Variants in PALMD observed in about 807,000 individuals in gnomAD.
PALMD encodes paralemmin-like protein.
In PALMD, 42 loss-of-function variants were observed where a neutral mutation model predicts 56.2. The ratio of observed to expected loss-of-function variants is 0.75; its 90% confidence interval spans 0.58 to 0.97. PALMD has a LOEUF of 0.97. PALMD is among the 50% of genes least tolerant of loss of function. The probability of loss-of-function intolerance (pLI) is 0.00; values close to 1 mark genes in which losing one functional copy is unlikely to be tolerated. For missense variants in PALMD, 660 were observed against 643.8 expected (o/e 1.03, Z -0.27); for synonymous variants, 242 against 222.9 (o/e 1.09, Z -0.76).
At chr1:99,685,260 C>T (rs1393737456) in intron 3 of PALMD, 9 of 152,126 alleles carry the variant, frequency 5.9e-5, no homozygotes, top group Admixed American at 5.9e-4. Context: ...AACTGGCTTT[C>T]ACAAGAAATG....
intron 3 of PALMD, among the ~76,000 whole-genome samples, chr1:99,678,965 T>C (rs1163797416): frequency 6.8e-6 from 1 of 146,390 alleles, no homozygotes; most frequent in African/African-American, 2.6e-5. Context: ...ACCTTGACTC[T>C]TAAAAAAAAA....
intron 3 of PALMD, 170 bp downstream of exon 3, chr1:99,667,936 T>TGG: frequency 1.7e-6 from 1 of 582,776 alleles, no homozygotes; most frequent in Non-Finnish European, 3.0e-6. Flanking sequence ...TGGAGTGCAG[T>TGG]GACATGATCT....
intron 7 of PALMD, among the ~76,000 whole-genome samples, chr1:99,691,789 T>A (rs1653658325): frequency 6.6e-6 from 1 of 152,158 alleles, no homozygotes; most frequent in African/African-American, 2.4e-5. Context: ...TTATTTATGG[T>A]ATAAATCCCC....
At chr1:99,671,453 A>G (rs1172570197) in intron 3 of PALMD, among the ~76,000 whole-genome samples, 3 of 152,190 alleles carry the variant, frequency 2.0e-5, no homozygotes, top group Non-Finnish European at 4.4e-5. Flanking sequence ...CTGTGAATAC[A>G]GAGTGCCTGA....
rs760927341 is a variant in PALMD, at chr1:99,667,635, A to ACAT, written c.127-4_127-2dup. The ACAT allele has an allele frequency of 2.5e-6, 4 of 1,611,720 alleles. No homozygotes were observed. In the Admixed American group the frequency reaches 6.7e-5, roughly 27 times the overall value. On this transcript the variant is annotated splice_polypyrimidine_tract_variant and splice_region_variant and intron_variant, in intron 2 of 7. Coordinates refer to ENST00000263174, the MANE Select transcript of PALMD (RefSeq NM_017734.5). Reference sequence around the variant, plus strand: ...TAAGAACATATCTTTATGTTTCCTGACATCAGAAAAAGGCCTTGAGGGAGA... The same window carrying ACAT: ...TAAGAACATATCTTTATGTTTCCTGACATCATCAGAAAAAGGCCTTGAGGGAGA...
intron 3 of PALMD, chr1:99,684,582 G>A (rs1653445254): frequency 6.6e-6 from 1 of 152,276 alleles, no homozygotes; most frequent in Non-Finnish European, 1.5e-5. Flanking sequence ...GAGTGCAATG[G>A]TATGATCATG....
chr1:99,683,042 AAGAAAGAAAGAAAGAGAGAGAGAGAG>A (rs1557673773), intron 3 of PALMD, among the ~76,000 whole-genome samples: 4 of 16,254 alleles, frequency 2.5e-4, no homozygotes, highest in African/African-American at 1.8e-3. Context: ...GAAAGAAAGA[AAGAAAGAAAGAAAGAGAGAGAGAGAG>A]AGAGAGAGAG....
chr1:99,693,288 A>G (rs1020870907), intron 7 of PALMD, among the ~76,000 whole-genome samples: 9 of 151,848 alleles, frequency 5.9e-5, no homozygotes, highest in African/African-American at 1.9e-4. Flanking sequence ...TTGGAACATG[A>G]CTAAGGCAGC....
intron 3 of PALMD, among the ~76,000 whole-genome samples, chr1:99,673,836 C>T (rs537773008): frequency 4.6e-5 from 7 of 152,234 alleles, no homozygotes; most frequent in African/African-American, 1.4e-4. Context: ...AGTAGGAATA[C>T]CTGTGAATAC....
chr1:99,668,636 T>C lies in PALMD; in HGVS notation c.251+870T>C, dbSNP rs1376736793. 3 of 152,326 alleles carry C rather than the reference T, an allele frequency of 2.0e-5. No individual in the cohort carries two copies. The East Asian group carries it at 5.8e-4, about 29-fold the overall frequency. The allele number at this position is 152,326 out of a possible 1,614,324, so 9.4% of individuals were successfully genotyped here. On this transcript the variant is annotated intron_variant, in intron 3 of 7. Coordinates refer to ENST00000263174, the MANE Select transcript of PALMD (RefSeq NM_017734.5). ...TACTCTACTCACAGTTTCCCTCTTC[T>C]AGTTCTTTGATGATTTGGTCACAGG...
intron 1 of PALMD, among the ~76,000 whole-genome samples, chr1:99,656,066 T>C (rs1652718605): frequency 6.6e-6 from 1 of 152,204 alleles, no homozygotes; most frequent in South Asian, 2.1e-4. Flanking sequence ...CCATCTTATC[T>C]TTATTCTTGG....
At chr1:99,668,187 A>G (rs1387618662) in intron 3 of PALMD, 1 of 154,494 alleles carries the variant, frequency 6.5e-6, no homozygotes, top group Non-Finnish European at 1.4e-5. Flanking sequence ...ATGAATTTCT[A>G]AAAAAGGGAT....
chr1:99,672,275 A>G (rs1653103319), intron 3 of PALMD, among the ~76,000 whole-genome samples: 1 of 152,128 alleles, frequency 6.6e-6, no homozygotes, highest in African/African-American at 2.4e-5. Flanking sequence ...GCCCTGATTA[A>G]TACCTTAGGA....
In PALMD at chr1:99,676,439, T is replaced by C. The variant is rs12058804; in HGVS notation, c.251+8673T>C. On this transcript the variant is annotated intron_variant, in intron 3 of 7. Coordinates refer to ENST00000263174, the MANE Select transcript of PALMD (RefSeq NM_017734.5). ...AGGGGGTACAAGTGCAGTTTTGTTATATGGATACACTGAATAGTGGTGAAG... is the reference window on the plus strand; with the variant it reads ...AGGGGGTACAAGTGCAGTTTTGTTACATGGATACACTGAATAGTGGTGAAG... 6.1e-3 allele frequency among the ~76,000 whole-genome samples: 929 copies of C among 152,300 alleles called. 11 individuals carry two copies. Among genetic ancestry groups the C allele is most frequent in the African/African-American group, 0.021 (878 of 41,572 alleles).
At chr1:99,685,076 C>A (rs1190128537) in intron 3 of PALMD, 2 of 152,214 alleles carry the variant, frequency 1.3e-5, no homozygotes, top group Non-Finnish European at 1.5e-5. Flanking sequence ...TTGCAGAAAA[C>A]TTTTAAAAAT....
intron 1 of PALMD, among the ~76,000 whole-genome samples, chr1:99,653,239 G>A (rs1384252299): frequency 1.3e-5 from 2 of 152,170 alleles, no homozygotes; most frequent in African/African-American, 2.4e-5. Context: ...CTGAGAAAGG[G>A]TGAAAGCTAC....
At chr1:99,668,035 A>C in intron 3 of PALMD, 1 of 325,570 alleles carries the variant, frequency 3.1e-6, no homozygotes, top group Non-Finnish European at 5.8e-6. Context: ...CCCACAACCA[A>C]TGCTTGGCTA....
chr1:99,691,199 A>G (rs556766175), intron 7 of PALMD, among the ~76,000 whole-genome samples: 38 of 152,290 alleles, frequency 2.5e-4, no homozygotes, highest in Admixed American at 3.9e-4. Flanking sequence ...TTTTAAAAAC[A>G]AAAAACACAG....
chr1:99,694,181 C>A lies in PALMD; in HGVS notation c.*119C>A. 1 of 624,118 alleles carries A rather than the reference C, an allele frequency of 1.6e-6. No homozygotes were observed. Among genetic ancestry groups the A allele is most frequent in the Non-Finnish European group, 2.8e-6 (1 of 356,946 alleles). The allele number at this position is 624,118 out of a possible 1,614,324, so 38.7% of individuals were successfully genotyped here. On this transcript the variant is annotated 3_prime_UTR_variant, in exon 8 of 8. Coordinates refer to ENST00000263174, the MANE Select transcript of PALMD (RefSeq NM_017734.5). ...TCCAAAAAATTATCATTACAGTGTA[C>A]CATATTAAGCCATGTGAATAAGTAG...
Sources: allele counts gnomAD v4.1 joint callset (sites outside exome capture counted in the v4.1 genomes callset), GRCh38; gene constraint gnomAD v4.1.1; transcripts MANE v1.5; gene names NCBI Gene and HGNC (gene_info 2026-07-23, HGNC 2026-07-21).